Variants in CTDSPL observed in about 807,000 individuals in gnomAD.
CTDSPL encodes CTD small phosphatase-like protein.
A neutral mutation model predicts 30.5 loss-of-function variants in CTDSPL; 8 were observed. That is an observed-to-expected ratio of 0.26 (90% CI 0.15 to 0.47). The LOEUF (loss-of-function observed/expected upper bound fraction) is 0.47, where lower values mean the gene tolerates loss of function less well. CTDSPL is among the 20% of genes least tolerant of loss of function. CTDSPL has a pLI of 0.99. For synonymous variants in CTDSPL, 110 were observed against 137.9 expected, an observed-to-expected ratio of 0.80 and a Z score of 1.42; for missense variants, 248 against 366.1, an observed-to-expected ratio of 0.68 and a Z score of 2.63.
rs191408479 is a variant in CTDSPL at position 37,886,198 on chromosome 3, T to C, written c.79+23920T>C. 1.3e-3 allele frequency among the ~76,000 whole-genome samples: 199 copies of C among 152,296 alleles called. 1 individual carries two copies. Among genetic ancestry groups the C allele is most frequent in the African/African-American group, 4.6e-3 (190 of 41,568 alleles). ...GACTTTTCCTCAGTCACTTTTCTTA[T>C]TAGATTTTATCATATTCCACATCCC... is the stretch of plus-strand genomic sequence containing the variant. On this transcript the variant is annotated intron_variant, in intron 1 of 7. Transcript: ENST00000273179.
intron 1 of CTDSPL, among the ~76,000 whole-genome samples, chr3:37,937,455 C>G (rs1003905843): frequency 4.7e-5 from 7 of 150,438 alleles, no homozygotes; most frequent in Non-Finnish European, 1.0e-4. Flanking sequence ...CACGTTTGCC[C>G]TCCCTCCTTC....
intron 1 of CTDSPL, among the ~76,000 whole-genome samples, chr3:37,879,942 G>A (rs1698183238): frequency 2.0e-5 from 3 of 151,506 alleles, no homozygotes. Context: ...TATTCAGTAA[G>A]CATTTCTTGA....
At chr3:37,904,759 C>T (rs1042475797) in intron 1 of CTDSPL, among the ~76,000 whole-genome samples, 2 of 152,160 alleles carry the variant, frequency 1.3e-5, no homozygotes, top group Admixed American at 6.5e-5. Flanking sequence ...TCAGACAGAC[C>T]TGATCCAAAT....
intron 1 of CTDSPL, among the ~76,000 whole-genome samples, chr3:37,898,215 G>A (rs1470891404): frequency 6.6e-6 from 1 of 152,170 alleles, no homozygotes; most frequent in African/African-American, 2.4e-5. Flanking sequence ...TCAGATCAGA[G>A]CTGCTTCAAA....
Position 37,982,149 on chromosome 3 carries a change from G to A in CTDSPL, c.*1282G>A, listed in dbSNP as rs937126483. 1.9e-5 allele frequency: 6 copies of A among 319,168 alleles called. No homozygotes were observed. The highest frequency in any genetic ancestry group is 3.7e-5 in the Non-Finnish European group (6 of 162,034). The allele number at this position is 319,168 out of a possible 1,614,324, so 19.8% of individuals were successfully genotyped here. ...ATAAATAAGCTGACTGTTCTCTCTT[G>A]AGAACCTGTGGCCTCAACCAGCCAC... On this transcript the variant is annotated 3_prime_UTR_variant, in exon 8 of 8. Coordinates refer to ENST00000273179, the MANE Select transcript of CTDSPL (RefSeq NM_001008392.2).
At chr3:37,979,301 A>C (rs1308580567) in intron 7 of CTDSPL, among the ~76,000 whole-genome samples, 1 of 123,920 alleles carries the variant, frequency 8.1e-6, no homozygotes, top group Non-Finnish European at 1.8e-5. Flanking sequence ...TGTCGCTACT[A>C]AAAAAAAAAG....
chr3:37,872,650 C>T (rs1230160966), intron 1 of CTDSPL, among the ~76,000 whole-genome samples: 1 of 135,668 alleles, frequency 7.4e-6, no homozygotes, highest in Non-Finnish European at 1.5e-5. Flanking sequence ...TCTCAGCTAA[C>T]TGCAACCTCC....
chr3:37,958,983 A>G (rs1699206280), intron 3 of CTDSPL, among the ~76,000 whole-genome samples: 1 of 152,222 alleles, frequency 6.6e-6, no homozygotes, highest in African/African-American at 2.4e-5. Context: ...GCCAGGTTGC[A>G]TAAGCAGCGT....
rs143184909 is a variant in CTDSPL, at chr3:37,930,263, T to G, written c.80-16794T>G. ...AGTCTTTTAAAATTTTAATTTTTATTTTAAATTTATTTTTAGATACAGGGT... is the reference window on the plus strand; with the variant it reads ...AGTCTTTTAAAATTTTAATTTTTATGTTAAATTTATTTTTAGATACAGGGT... On this transcript the variant is annotated intron_variant, in intron 1 of 7. Transcript: ENST00000273179. Among the ~76,000 whole-genome samples, 192 of 152,142 alleles carry G rather than the reference T, an allele frequency of 1.3e-3. 1 individual carries two copies. Among genetic ancestry groups the G allele is most frequent in the African/African-American group, 4.6e-3 (189 of 41,522 alleles).
At chr3:37,905,623 T>C (rs1698506722) in intron 1 of CTDSPL, among the ~76,000 whole-genome samples, 1 of 152,210 alleles carries the variant, frequency 6.6e-6, no homozygotes, top group Non-Finnish European at 1.5e-5. Flanking sequence ...AGCTGGGCAC[T>C]GCAGAAGTGC....
chr3:37,882,332 C>T (rs969154857), intron 1 of CTDSPL, among the ~76,000 whole-genome samples: 13 of 151,596 alleles, frequency 8.6e-5, no homozygotes, highest in Non-Finnish European at 1.6e-4. Context: ...GTCCCAGCTA[C>T]TCGGGAGGCT....
At chr3:37,946,194 C>G (rs192231913) in intron 1 of CTDSPL, among the ~76,000 whole-genome samples, 1 of 152,242 alleles carries the variant, frequency 6.6e-6, no homozygotes, top group Non-Finnish European at 1.5e-5. Flanking sequence ...TGTCAGTCCT[C>G]CCCTGAGGGG....
rs1276017266 is a variant in CTDSPL at position 37,876,508 on chromosome 3, T to G, written c.79+14230T>G. ...GTCAGTTTTTAAATTTTAGCCATTA[T>G]AGTGGGTATTTAGTGGTATCTCATC... On this transcript the variant is annotated intron_variant, in intron 1 of 7. Transcript: ENST00000273179. Among the ~76,000 whole-genome samples, 5 of 152,204 alleles carry G rather than the reference T, an allele frequency of 3.3e-5. No individual in the cohort carries two copies. In the East Asian group the frequency reaches 9.6e-4, roughly 29 times the overall value.
At chr3:37,879,198 C>A (rs1698174299) in intron 1 of CTDSPL, among the ~76,000 whole-genome samples, 1 of 152,190 alleles carries the variant, frequency 6.6e-6, no homozygotes, top group Non-Finnish European at 1.5e-5. Flanking sequence ...GGAAGTATAA[C>A]CCAGTTCATA....
chr3:37,976,090 A>G (rs1303569608), intron 7 of CTDSPL, among the ~76,000 whole-genome samples, 196 bp downstream of exon 7: 1 of 152,214 alleles, frequency 6.6e-6, no homozygotes, highest in East Asian at 1.9e-4. Context: ...CTCATCTGTC[A>G]AATGGGAATT....
intron 1 of CTDSPL, among the ~76,000 whole-genome samples, chr3:37,906,413 T>A (rs1698516322): frequency 6.6e-6 from 1 of 152,198 alleles, no homozygotes; most frequent in African/African-American, 2.4e-5. Context: ...CTATAAATGC[T>A]TCCCTTATTA....
chr3:37,887,070 C>G (rs1321902043), intron 1 of CTDSPL, among the ~76,000 whole-genome samples: 3 of 152,204 alleles, frequency 2.0e-5, no homozygotes, highest in Non-Finnish European at 2.9e-5. Context: ...ACTCTACAAT[C>G]AGATTTCCAT....
intron 1 of CTDSPL, among the ~76,000 whole-genome samples, chr3:37,885,089 A>G (rs890949345): frequency 1.3e-5 from 2 of 152,224 alleles, no homozygotes; most frequent in African/African-American, 4.8e-5. Context: ...GGATGAGAGA[A>G]TTCAGGATAC....
intron 1 of CTDSPL, among the ~76,000 whole-genome samples, chr3:37,890,922 A>T (rs1451483180): frequency 6.6e-6 from 1 of 152,238 alleles, no homozygotes; most frequent in Non-Finnish European, 1.5e-5. Context: ...TTATTGAGAC[A>T]ACTCCAAGGA....
Sources: allele counts gnomAD v4.1 joint callset (sites outside exome capture counted in the v4.1 genomes callset), GRCh38; gene constraint gnomAD v4.1.1; transcripts MANE v1.5; gene names NCBI Gene and HGNC (gene_info 2026-07-23, HGNC 2026-07-21).